Variants in PDE4A observed in about 807,000 individuals in gnomAD.
PDE4A encodes the protein 3',5'-cyclic-AMP phosphodiesterase 4A.
In PDE4A, 21 loss-of-function variants were observed where a neutral mutation model predicts 73.9. That is an observed-to-expected ratio of 0.28 (90% CI 0.20 to 0.41). The LOEUF (loss-of-function observed/expected upper bound fraction) is 0.41, where lower values mean the gene tolerates loss of function less well. PDE4A is among the 10% of genes least tolerant of loss of function. The probability of loss-of-function intolerance (pLI) is 1.00; values close to 1 mark genes in which losing one functional copy is unlikely to be tolerated. For missense variants in PDE4A, 958 were observed against 1,211.4 expected (o/e 0.79, Z 3.10); for synonymous variants, 463 against 505.4 (o/e 0.92, Z 1.13).
intron 7 of PDE4A, among the ~76,000 whole-genome samples, chr19:10,456,539 AT>A (rs1248935051): frequency 1.3e-5 from 2 of 151,462 alleles, no homozygotes. Flanking sequence ...AAAAAAATAA[AT>A]AAATAAATAA....
intron 7 of PDE4A, 81 bp from the exon 8 acceptor site, chr19:10,457,798 G>A (rs999979401): frequency 2.5e-6 from 4 of 1,571,026 alleles, no homozygotes; most frequent in African/African-American, 2.7e-5. Flanking sequence ...TTCCCCGTAC[G>A]TGGTAGTGGG....
At chr19:10,454,653 TG>T in intron 6 of PDE4A, 175 bp from the exon 7 acceptor site, 1 of 654,574 alleles carries the variant, frequency 1.5e-6, no homozygotes, top group Non-Finnish European at 1.9e-6. Flanking sequence ...CATCCAGAGC[TG>T]GGAGGACAGG....
chr19:10,444,606 C>A (rs1042937890), intron 1 of PDE4A, among the ~76,000 whole-genome samples: 4 of 151,470 alleles, frequency 2.6e-5, no homozygotes, highest in African/African-American at 9.7e-5. Context: ...GAAAGAGGAG[C>A]CGCTGCAAAT....
chr19:10,423,101 C>A (rs950945641), intron 1 of PDE4A: 1 of 984,676 alleles, frequency 1.0e-6, no homozygotes, highest in African/African-American at 1.8e-5. Flanking sequence ...GGTATTCCAG[C>A]AGGGTATTCC....
At chr19:10,443,917 G>T (rs1325635838) in intron 1 of PDE4A, among the ~76,000 whole-genome samples, 2 of 149,400 alleles carry the variant, frequency 1.3e-5, no homozygotes. Flanking sequence ...TGAGGCAGGA[G>T]AATTGATTGA....
At chr19:10,459,220 G>A in intron 8 of PDE4A, 180 bp from the exon 9 acceptor site, 1 of 1,050,692 alleles carries the variant, frequency 9.5e-7, no homozygotes, top group South Asian at 1.7e-5. Flanking sequence ...GGCTGTGATT[G>A]CTTTCGCTAT....
Position 10,467,238 on chromosome 19 carries a change from T to A in PDE4A, c.2278T>A (p.Ser760Thr), listed in dbSNP as rs200834596. ...IAWEASPAQE[S>T]LEVMAQEASL... Reference sequence around the variant, plus strand: ...CTGGGAGGCATCCCCGGCCCAGGAGTCGTTGGAAGTTATGGCACAGGAAGC... The same window carrying A: ...CTGGGAGGCATCCCCGGCCCAGGAGACGTTGGAAGTTATGGCACAGGAAGC... The change falls in exon 15 of 15, where the codon TCG becomes ACG. Residue 760 changes from serine to threonine, a missense_variant. By Grantham distance (58) the Ser-to-Thr change is moderately conservative. This residue lies in a region of PDE4A where 243 missense variants were observed against 245.9 expected (regional missense o/e 0.99). Transcript: ENST00000380702. 2 of 1,612,718 alleles carry A rather than the reference T, an allele frequency of 1.2e-6. No homozygotes were observed. Among genetic ancestry groups the A allele is most frequent in the Non-Finnish European group, 1.7e-6 (2 of 1,179,752 alleles).
chr19:10,434,104 T>C (rs1352111252), intron 1 of PDE4A, among the ~76,000 whole-genome samples: 1 of 152,202 alleles, frequency 6.6e-6, no homozygotes, highest in Non-Finnish European at 1.5e-5. Context: ...CATGCTCTGC[T>C]ACTAATAACC....
At chr19:10,436,923 C>T (rs774958415) in intron 1 of PDE4A, among the ~76,000 whole-genome samples, 29 of 152,032 alleles carry the variant, frequency 1.9e-4, no homozygotes, top group Admixed American at 9.8e-4. Context: ...CCTGTAGTCC[C>T]AGCTACTCGA....
rs760097583 is a variant in PDE4A at position 10,459,884 on chromosome 19, T to C, written c.1365+125T>C. On this transcript the variant is annotated intron_variant, in intron 10 of 14. Coordinates refer to ENST00000380702, the MANE Select transcript of PDE4A (RefSeq NM_001111307.2). ...TCTCTTTGACGCCATTTCTCTCTCT[T>C]TTTTTTTTCTTTTTGAGACGGAGTC... 160 of 1,155,158 alleles carry C rather than the reference T, an allele frequency of 1.4e-4. 1 individual carries two copies. The highest frequency in any genetic ancestry group is 1.7e-4 in the Non-Finnish European group (142 of 844,682). 71.6% of individuals were successfully genotyped at this position (1,155,158 alleles called of 1,614,324 possible). A position where few individuals can be genotyped will look rare whatever the true frequency, so the allele number is the denominator to read the frequency against.
upstream of PDE4A, among the ~76,000 whole-genome samples, chr19:10,418,180 G>C (rs1353548941): frequency 6.6e-6 from 1 of 152,230 alleles, no homozygotes; most frequent in African/African-American, 2.4e-5. Context: ...CTGTGCACCG[G>C]CTTTCATGTC....
At chr19:10,416,997 G>A, upstream of PDE4A, 1 of 1,538,690 alleles carries the variant, frequency 6.5e-7, no homozygotes, top group Non-Finnish European at 8.7e-7. Context: ...CGAGGTGCGA[G>A]AGGAGGGGCT....
intron 1 of PDE4A, among the ~76,000 whole-genome samples, chr19:10,442,852 A>G (rs2042956363): frequency 6.7e-6 from 1 of 149,186 alleles, no homozygotes; most frequent in South Asian, 2.1e-4. Context: ...TAGTAATATT[A>G]TATACATGCA....
intron 1 of PDE4A, among the ~76,000 whole-genome samples, chr19:10,437,446 G>A (rs1224688675): frequency 6.6e-6 from 1 of 151,750 alleles, no homozygotes; most frequent in Non-Finnish European, 1.5e-5. Context: ...TTGAGATAGG[G>A]TCTCACTGTA....
At chr19:10,421,142 C>T (rs1239482755) in intron 1 of PDE4A, 58 bp downstream of exon 1, 1 of 1,339,222 alleles carries the variant, frequency 7.5e-7, no homozygotes, top group Non-Finnish European at 9.5e-7. Context: ...GAGGAGGCAA[C>T]TCGAGCTGCC....
intron 1 of PDE4A, among the ~76,000 whole-genome samples, chr19:10,445,531 G>A (rs1442673056): frequency 1.3e-5 from 2 of 152,060 alleles, no homozygotes; most frequent in Admixed American, 1.3e-4. Flanking sequence ...ACTTTGGGAG[G>A]CCAAAGAGGG....
At chr19:10,437,304 A>G (rs779942704) in intron 1 of PDE4A, among the ~76,000 whole-genome samples, 1 of 152,010 alleles carries the variant, frequency 6.6e-6, no homozygotes, top group Non-Finnish European at 1.5e-5. Context: ...TTGTATTTTT[A>G]GTAGAGACGG....
chr19:10,417,766 C>G, upstream of PDE4A: 1 of 1,571,930 alleles, frequency 6.4e-7, no homozygotes, highest in Non-Finnish European at 8.6e-7. Context: ...TGGGCCCAGC[C>G]TGAGCCCTCG....
In PDE4A at chr19:10,469,484, C is replaced by T. The variant is rs2043440792; in HGVS notation, c.*1863C>T. On this transcript the variant is annotated 3_prime_UTR_variant, in exon 15 of 15. Coordinates refer to ENST00000380702, the MANE Select transcript of PDE4A (RefSeq NM_001111307.2). ...CCAGGGGGTGACTGGAGAGACAGACCCACCCCCAAGCAGGGCTCCTCTCCC... is the reference window on the plus strand; with the variant it reads ...CCAGGGGGTGACTGGAGAGACAGACTCACCCCCAAGCAGGGCTCCTCTCCC... 6.6e-6 allele frequency: 1 copy of T among 152,306 alleles called. No homozygotes were observed. The highest frequency in any genetic ancestry group is 6.6e-5 in the Admixed American group (1 of 15,252). 9.4% of individuals were successfully genotyped at this position (152,306 alleles called of 1,614,324 possible).
Sources: allele counts gnomAD v4.1 joint callset (sites outside exome capture counted in the v4.1 genomes callset), GRCh38; gene constraint gnomAD v4.1.1; regional missense constraint gnomAD v4.1.1; transcripts MANE v1.5; gene names NCBI Gene and HGNC (gene_info 2026-07-23, HGNC 2026-07-21).